The following GRM8 variants were observed in gnomAD, a reference collection of about 807,000 sequenced individuals.
GRM8 encodes the protein metabotropic glutamate receptor 8.
In GRM8, 47 loss-of-function variants were observed where a neutral mutation model predicts 87.2. That is an observed-to-expected ratio of 0.54 (90% confidence interval 0.43 to 0.69). GRM8 has a LOEUF of 0.69. Among genes scored for constraint, GRM8 ranks in the 30% least tolerant of loss-of-function variants. The pLI is 0.00. For synonymous variants in GRM8, 396 were observed against 404.5 expected, an observed-to-expected ratio of 0.98 and a Z score of 0.25; for missense variants, 1,019 against 1,139.2, an observed-to-expected ratio of 0.89 and a Z score of 1.52.
chr7:126,884,886 A>G (rs1456840372), intron 6 of GRM8, among the ~76,000 whole-genome samples: 3 of 152,234 alleles, frequency 2.0e-5, no homozygotes, highest in African/African-American at 7.2e-5. Context: ...ATGGGCATAC[A>G]GTAGGGAGAT....
chr7:127,078,871 T>G (rs1822560495), intron 3 of GRM8, among the ~76,000 whole-genome samples: 1 of 152,240 alleles, frequency 6.6e-6, no homozygotes, highest in Admixed American at 6.5e-5. Context: ...CTTCATTAAG[T>G]AATAGAATTT....
At chr7:126,442,469 T>G (rs1584616685) in intron 10 of GRM8, among the ~76,000 whole-genome samples, 1 of 152,134 alleles carries the variant, frequency 6.6e-6, no homozygotes, top group Non-Finnish European at 1.5e-5. Context: ...AGAAAAATTG[T>G]CATAAGAGTG....
At chr7:126,792,337 G>C (rs985421013) in intron 6 of GRM8, among the ~76,000 whole-genome samples, 1 of 152,140 alleles carries the variant, frequency 6.6e-6, no homozygotes, top group Non-Finnish European at 1.5e-5. Flanking sequence ...AGCAATGTGT[G>C]GTCTCTGTAC....
At chr7:126,742,122 G>C (rs1274527375) in intron 7 of GRM8, among the ~76,000 whole-genome samples, 3 of 151,620 alleles carry the variant, frequency 2.0e-5, no homozygotes, top group South Asian at 4.2e-4. Flanking sequence ...ATCTGCATTT[G>C]GGTGAAAAAA....
intron 3 of GRM8, among the ~76,000 whole-genome samples, chr7:127,100,597 T>C (rs868597016): frequency 1.3e-5 from 2 of 152,178 alleles, no homozygotes; most frequent in African/African-American, 4.8e-5. Flanking sequence ...CCTCAAATCA[T>C]AGTGGAAGGC....
chr7:126,748,408 G>A (rs1441262329), intron 7 of GRM8, among the ~76,000 whole-genome samples: 1 of 151,846 alleles, frequency 6.6e-6, no homozygotes, highest in African/African-American at 2.4e-5. Context: ...TCAAAAATAT[G>A]AAATAAAGAG....
chr7:126,799,247 C>T (rs1199648349), intron 6 of GRM8, among the ~76,000 whole-genome samples: 1 of 152,080 alleles, frequency 6.6e-6, no homozygotes, highest in Non-Finnish European at 1.5e-5. Context: ...GATTCTTGAA[C>T]ACACTGATAA....
chr7:127,142,725 A>AT lies in GRM8; in HGVS notation c.511-36014_511-36013insA, dbSNP rs1332475605. ...TTGGATGGATGGATGGGATGGATGG[A>AT]CGGACAGATGGACGGATGGACAGCG... On this transcript the variant is annotated intron_variant, in intron 2 of 10. Transcript: ENST00000339582. Among the ~76,000 whole-genome samples, 36 of 152,154 alleles carry AT rather than the reference A, an allele frequency of 2.4e-4. 2 individuals carry two copies. The highest frequency in any genetic ancestry group is 8.4e-4 in the African/African-American group (35 of 41,512).
At chr7:126,535,134 G>A (rs1815488176) in intron 8 of GRM8, among the ~76,000 whole-genome samples, 1 of 152,178 alleles carries the variant, frequency 6.6e-6, no homozygotes, top group African/African-American at 2.4e-5. Flanking sequence ...ATACTGTGTG[G>A]TAGTCAGTCT....
intron 2 of GRM8, among the ~76,000 whole-genome samples, chr7:127,198,545 T>C (rs147126845): frequency 1.5e-3 from 228 of 152,292 alleles, no homozygotes; most frequent in African/African-American, 5.4e-3. Context: ...CTAGCTACTG[T>C]TGCTATTGTT....
intron 6 of GRM8, among the ~76,000 whole-genome samples, chr7:126,819,188 T>A (rs1794065872): frequency 6.6e-6 from 1 of 151,914 alleles, no homozygotes; most frequent in Non-Finnish European, 1.5e-5. Flanking sequence ...ACAAAATATT[T>A]CACAATTTAG....
intron 2 of GRM8, among the ~76,000 whole-genome samples, chr7:127,235,151 A>G (rs564161768): frequency 2.0e-5 from 3 of 152,304 alleles, no homozygotes; most frequent in African/African-American, 7.2e-5. Context: ...TCATTATTTA[A>G]AACACCCCAA....
chr7:126,586,638 C>T (rs1796157948), intron 8 of GRM8, among the ~76,000 whole-genome samples: 1 of 152,282 alleles, frequency 6.6e-6, no homozygotes, highest in East Asian at 1.9e-4. Context: ...ATGTAGAAAG[C>T]TCAAACTGGA....
chr7:127,009,297 C>T (rs548655030), intron 3 of GRM8, among the ~76,000 whole-genome samples: 30 of 152,198 alleles, frequency 2.0e-4, no homozygotes, highest in African/African-American at 7.0e-4. Context: ...TAAAAATGGC[C>T]TAAAAACTCA....
intron 3 of GRM8, among the ~76,000 whole-genome samples, chr7:127,020,331 C>G (rs976909357): frequency 1.1e-4 from 16 of 152,034 alleles, no homozygotes; most frequent in African/African-American, 3.9e-4. Context: ...GGGGGTAGTG[C>G]TCCCTGATGA....
At chr7:126,515,128 T>G (rs1811988003) in intron 9 of GRM8, among the ~76,000 whole-genome samples, 1 of 152,092 alleles carries the variant, frequency 6.6e-6, no homozygotes, top group African/African-American at 2.4e-5. Context: ...TGTTCTTTTG[T>G]TTTTGCAATG....
chr7:126,592,948 A>G (rs1301889796), intron 8 of GRM8, among the ~76,000 whole-genome samples: 1 of 152,044 alleles, frequency 6.6e-6, no homozygotes, highest in East Asian at 1.9e-4. Context: ...ATGTTACATT[A>G]CACACAATCA....
chr7:127,221,172 TA>T (rs1475169860), intron 2 of GRM8, among the ~76,000 whole-genome samples: 1 of 152,212 alleles, frequency 6.6e-6, no homozygotes, highest in Non-Finnish European at 1.5e-5. Context: ...AAACAGGCCT[TA>T]AAAGTCTACC....
chr7:126,626,095 G>A (rs902616850), intron 7 of GRM8, among the ~76,000 whole-genome samples: 1 of 100,034 alleles, frequency 1.0e-5, no homozygotes, highest in Non-Finnish European at 2.2e-5. Flanking sequence ...TTACATATAT[G>A]AGAGAAGTGT....
Sources: gnomAD v4.1 joint callset for allele counts (sites outside exome capture counted in the v4.1 genomes callset) on GRCh38, gnomAD v4.1.1 for gene constraint, MANE v1.5 for transcripts, NCBI Gene and HGNC (gene_info 2026-07-23, HGNC 2026-07-21) for gene names.